Variants in DNAJC6 observed in about 807,000 individuals in gnomAD.
DNAJC6 encodes the protein DnaJ heat shock protein family (Hsp40) member C6, also known as auxilin.
A neutral mutation model predicts 110.0 loss-of-function variants in DNAJC6; 34 were observed. The ratio of observed to expected loss-of-function variants is 0.31; its 90% confidence interval spans 0.24 to 0.41. The LOEUF (loss-of-function observed/expected upper bound fraction) is 0.41, where lower values mean the gene tolerates loss of function less well. DNAJC6 is among the 10% of genes least tolerant of loss of function. DNAJC6 has a pLI of 1.00. For missense variants in DNAJC6, 1,031 were observed against 1,207.8 expected, an observed-to-expected ratio of 0.85 and a Z score of 2.17; for synonymous variants, 406 against 437.2, an observed-to-expected ratio of 0.93 and a Z score of 0.89.
At chr1:65,301,485 T>A (rs369170044) in intron 1 of DNAJC6, among the ~76,000 whole-genome samples, 1 of 152,212 alleles carries the variant, frequency 6.6e-6, no homozygotes, top group African/African-American at 2.4e-5. Flanking sequence ...CAGTTGCAAG[T>A]CTGGGCCTCT....
intron 1 of DNAJC6, among the ~76,000 whole-genome samples, chr1:65,311,542 G>A (rs1645102135): frequency 6.6e-6 from 1 of 152,000 alleles, no homozygotes; most frequent in Non-Finnish European, 1.5e-5. Flanking sequence ...TTTTATTGAT[G>A]TTGTATGTGG....
chr1:65,336,351 C>T (rs1488341086), intron 1 of DNAJC6, among the ~76,000 whole-genome samples: 1 of 152,144 alleles, frequency 6.6e-6, no homozygotes, highest in South Asian at 2.1e-4. Context: ...CTGGGTCCCT[C>T]CCACAACACA....
chr1:65,338,037 G>T (rs772753832), intron 1 of DNAJC6, among the ~76,000 whole-genome samples: 1 of 152,080 alleles, frequency 6.6e-6, no homozygotes, highest in Non-Finnish European at 1.5e-5. Flanking sequence ...CCCAATCTTA[G>T]AATCAGCCAC....
At chr1:65,306,975 TCTCTC>T (rs1557511760), upstream of DNAJC6, among the ~76,000 whole-genome samples, 33 of 32,162 alleles carry the variant, frequency 1.0e-3, no homozygotes, top group Non-Finnish European at 1.6e-3. Flanking sequence ...AATCTGTTTC[TCTCTC>T]TCTCTCTCTC....
chr1:65,352,330 A>T (rs1645498981), intron 1 of DNAJC6, among the ~76,000 whole-genome samples: 2 of 152,158 alleles, frequency 1.3e-5, no homozygotes, highest in Non-Finnish European at 1.5e-5. Context: ...AATGAAAAAA[A>T]CATGGGTCTT....
chr1:65,278,933 C>T (rs1394062629), intron 1 of DNAJC6: 67 of 977,358 alleles, frequency 6.9e-5, no homozygotes, highest in Non-Finnish European at 7.3e-5. Flanking sequence ...ATGTATCCTG[C>T]GAGTCAGCAC....
intron 5 of DNAJC6, among the ~76,000 whole-genome samples, chr1:65,380,911 G>GTTTGT (rs1645812062): frequency 8.7e-6 from 1 of 114,918 alleles, no homozygotes; most frequent in African/African-American, 4.3e-5. Context: ...TTTGTTTTTT[G>GTTTGT]TTTTGTTTTG....
intron 1 of DNAJC6, among the ~76,000 whole-genome samples, chr1:65,277,763 T>A (rs1476349133): frequency 6.6e-6 from 1 of 152,134 alleles, no homozygotes; most frequent in African/African-American, 2.4e-5. Flanking sequence ...GTGGCCAGAG[T>A]CTTGAGATAC....
intron 1 of DNAJC6, among the ~76,000 whole-genome samples, chr1:65,352,499 C>T (rs1370797625): frequency 6.6e-6 from 1 of 152,132 alleles, no homozygotes; most frequent in Non-Finnish European, 1.5e-5. Flanking sequence ...ACACAGTTCC[C>T]TTATCTGAAA....
chr1:65,392,121 G>A (rs1645932958), intron 11 of DNAJC6, among the ~76,000 whole-genome samples: 1 of 152,134 alleles, frequency 6.6e-6, no homozygotes, highest in Admixed American at 6.6e-5. Context: ...AGGAAACCAA[G>A]GCACAGAGAA....
At chr1:65,381,109 G>C (rs560716012) in intron 5 of DNAJC6, among the ~76,000 whole-genome samples, 18 of 151,324 alleles carry the variant, frequency 1.2e-4, no homozygotes, top group African/African-American at 4.4e-4. Flanking sequence ...AGTAGAGACG[G>C]GTTTTCACCA....
chr1:65,384,889 G>T (rs1351632942), intron 6 of DNAJC6, among the ~76,000 whole-genome samples: 1 of 152,202 alleles, frequency 6.6e-6, no homozygotes, highest in Non-Finnish European at 1.5e-5. Flanking sequence ...GAAAATTTAT[G>T]ATGTTAAAAC....
At chr1:65,379,726 A>G (rs957777554) in intron 5 of DNAJC6, 92 of 658,710 alleles carry the variant, frequency 1.4e-4, no homozygotes, top group Non-Finnish European at 1.7e-5. Context: ...TGGGAAAGGC[A>G]GATGTATACA....
chr1:65,411,293 T>C lies in DNAJC6; in HGVS notation c.2678T>C (p.Leu893Pro). ...IEGKERNIRA[L>P]LSTMHTVLWA... ...GGCAAAGAAAGAAATATCAGAGCCCTTCTTTCCACGATGCATACCGTACTA... is the reference window on the plus strand; with the variant it reads ...GGCAAAGAAAGAAATATCAGAGCCCCTCTTTCCACGATGCATACCGTACTA... Residue 893 changes from leucine to proline, a missense_variant, in exon 18 of 19, where the codon CTT becomes CCT. Physicochemically the swap from Leu to Pro is moderately conservative, Grantham distance 98 (BLOSUM62 -3). Transcript: ENST00000371069. 1.2e-6 allele frequency: 2 copies of C among 1,614,064 alleles called. No individual in the cohort carries two copies. The highest frequency in any genetic ancestry group is 1.7e-6 in the Non-Finnish European group (2 of 1,179,936).
intron 14 of DNAJC6, 44 bp from the exon 15 acceptor site, chr1:65,401,701 AATTTCACAATTCAGCC>A: frequency 6.3e-7 from 1 of 1,577,144 alleles, no homozygotes. Context: ...TGGAATTCTG[AATTTCACAATTCAGCC>A]TCAAACAACT....
chr1:65,365,319 G>A (rs1222055402), intron 2 of DNAJC6, among the ~76,000 whole-genome samples: 1 of 152,116 alleles, frequency 6.6e-6, no homozygotes, highest in Non-Finnish European at 1.5e-5. Context: ...CAGGTCATAG[G>A]AGTTATTTTT....
At chr1:65,349,506 G>T (rs1645471105) in intron 1 of DNAJC6, among the ~76,000 whole-genome samples, 1 of 151,996 alleles carries the variant, frequency 6.6e-6, no homozygotes, top group South Asian at 2.1e-4. Flanking sequence ...TTATAATGCA[G>T]GTCAATTAGC....
chr1:65,284,793 A>G (rs566364274), intron 1 of DNAJC6, among the ~76,000 whole-genome samples: 1 of 151,868 alleles, frequency 6.6e-6, no homozygotes, highest in African/African-American at 2.4e-5. Flanking sequence ...GGTTCAAGCA[A>G]TTCTCCTGCC....
At chr1:65,342,305 G>A (rs1645396100) in intron 1 of DNAJC6, among the ~76,000 whole-genome samples, 1 of 152,096 alleles carries the variant, frequency 6.6e-6, no homozygotes, top group Non-Finnish European at 1.5e-5. Flanking sequence ...CCTTAATGTG[G>A]TAATATTTGG....
Sources: gnomAD v4.1 joint callset for allele counts (sites outside exome capture counted in the v4.1 genomes callset) on GRCh38, gnomAD v4.1.1 for gene constraint, MANE v1.5 for transcripts, NCBI Gene and HGNC (gene_info 2026-07-23, HGNC 2026-07-21) for gene names.